GLYATL2: variants seen among roughly 807,000 people sequenced by gnomAD.
GLYATL2 encodes the protein glycine-N-acyltransferase like 2.
Under a neutral mutation model 21.4 loss-of-function variants are expected in GLYATL2, and 25 were observed. That is an observed-to-expected ratio of 1.17 (90% CI 0.85 to 1.63). The LOEUF is 1.63. Ranked by LOEUF, GLYATL2 falls within the 40% of genes most tolerant of loss-of-function variation. The probability of loss-of-function intolerance (pLI) is 0.00; values close to 1 mark genes in which losing one functional copy is unlikely to be tolerated. For missense variants in GLYATL2, 361 were observed against 343.3 expected, an observed-to-expected ratio of 1.05 and a Z score of -0.41; for synonymous variants, 114 against 118.2, an observed-to-expected ratio of 0.96 and a Z score of 0.23.
intron 5 of GLYATL2, 81 bp downstream of exon 5, chr11:58,836,934 A>C (rs1853441738): frequency 7.0e-6 from 9 of 1,277,954 alleles, no homozygotes; most frequent in Admixed American, 2.0e-5. Context: ...TTAGTCTCAA[A>C]TCCTACATTT....
chr11:58,863,508 G>A (rs1853968992), intron 1 of GLYATL2, among the ~76,000 whole-genome samples: 1 of 152,172 alleles, frequency 6.6e-6, no homozygotes, highest in Non-Finnish European at 1.5e-5. Context: ...CTGTATGCTG[G>A]GTTTGCTAGA....
intron 1 of GLYATL2, among the ~76,000 whole-genome samples, chr11:58,855,108 T>A (rs1385574576): frequency 2.0e-5 from 3 of 152,238 alleles, no homozygotes. Context: ...TCTCCTCCCA[T>A]GGATCATGAA....
intron 5 of GLYATL2, 36 bp from the exon 6 acceptor site, chr11:58,834,873 A>G: frequency 6.8e-7 from 1 of 1,473,154 alleles, no homozygotes; most frequent in Non-Finnish European, 9.2e-7. Flanking sequence ...TATTCAGCCA[A>G]TATTACCAAA....
chr11:58,851,542 A>G lies in GLYATL2; in HGVS notation n.61-13174T>C, dbSNP rs1437064765. On this transcript the variant is annotated intron_variant and non_coding_transcript_variant, in intron 1 of 4. Transcript: ENST00000533636. ...CAGTATATGCACATACTCTGTACCC[A>G]CAAAAATTAAATATTAAAAAGAATT... Among the ~76,000 whole-genome samples, 4 of 136,186 alleles carry G rather than the reference A, an allele frequency of 2.9e-5. 1 individual carries two copies. In the South Asian group the frequency reaches 1.0e-3, roughly 35 times the overall value. 89.3% of individuals were successfully genotyped at this position (136,186 alleles called of 152,430 possible). A position where few individuals can be genotyped will look rare whatever the true frequency, so the allele number is the denominator to read the frequency against.
At chr11:58,874,657 T>C (rs1041850924) in intron 1 of GLYATL2, among the ~76,000 whole-genome samples, 1 of 152,208 alleles carries the variant, frequency 6.6e-6, no homozygotes, top group African/African-American at 2.4e-5. Context: ...TGAGAAACAG[T>C]TTGTTATAAT....
At chr11:58,836,214 G>T (rs2134567581) in intron 5 of GLYATL2, among the ~76,000 whole-genome samples, 1 of 152,068 alleles carries the variant, frequency 6.6e-6, no homozygotes, top group Admixed American at 6.5e-5. Context: ...TATATACATT[G>T]TTCTATCCAC....
chr11:58,906,055 G>C (rs997273033), upstream of GLYATL2, among the ~76,000 whole-genome samples: 2 of 152,190 alleles, frequency 1.3e-5, no homozygotes, highest in South Asian at 2.1e-4. Flanking sequence ...CAACACCTGC[G>C]AATCGGGAGC....
intron 1 of GLYATL2, among the ~76,000 whole-genome samples, chr11:58,894,511 G>A (rs1325926384): frequency 7.6e-6 from 1 of 131,944 alleles, no homozygotes; most frequent in African/African-American, 2.7e-5. Context: ...CATTCTTTCT[G>A]ATAATCTAGA....
At chr11:58,846,071 A>C (rs1853637158), upstream of GLYATL2, among the ~76,000 whole-genome samples, 1 of 152,218 alleles carries the variant, frequency 6.6e-6, no homozygotes, top group Non-Finnish European at 1.5e-5. Flanking sequence ...AAGTTTATAG[A>C]GTTATACAGT....
chr11:58,844,099 A>G (rs1853600279), intron 1 of GLYATL2, among the ~76,000 whole-genome samples: 1 of 151,600 alleles, frequency 6.6e-6, no homozygotes, highest in African/African-American at 2.4e-5. Context: ...CAAGGAGAAT[A>G]TTGATTTTTT....
upstream of GLYATL2, among the ~76,000 whole-genome samples, chr11:58,905,069 C>G (rs1008494287): frequency 2.0e-5 from 3 of 152,212 alleles, no homozygotes; most frequent in African/African-American, 7.2e-5. Context: ...AGTCTTCATC[C>G]GAAGGGTAAA....
intron 1 of GLYATL2, among the ~76,000 whole-genome samples, chr11:58,842,519 T>TGTGTGC (rs1491170226): frequency 9.0e-5 from 12 of 133,912 alleles, no homozygotes; most frequent in African/African-American, 2.5e-4. Context: ...TGTGTGTGTG[T>TGTGTGC]GCGCCCTGTG....
intron 1 of GLYATL2, among the ~76,000 whole-genome samples, chr11:58,880,005 C>T (rs1195765542): frequency 1.3e-5 from 2 of 151,976 alleles, no homozygotes. Flanking sequence ...AGTGCAGGTG[C>T]CCGCCACCTT....
At chr11:58,901,559 C>T (rs913993532) in intron 1 of GLYATL2, among the ~76,000 whole-genome samples, 9 of 152,080 alleles carry the variant, frequency 5.9e-5, no homozygotes, top group African/African-American at 2.2e-4. Context: ...TTAATTTATA[C>T]TTAGGGAATG....
At chr11:58,838,460 A>C in intron 2 of GLYATL2, 92 bp from the exon 3 acceptor site, 1 of 759,456 alleles carries the variant, frequency 1.3e-6, no homozygotes. Context: ...CATGAGAAAT[A>C]AGGACAAGAA....
In GLYATL2 at chr11:58,843,528, T is replaced by C. The variant is rs114764667; in HGVS notation, c.-41+906A>G. Among the ~76,000 whole-genome samples the C allele has an allele frequency of 5.2e-3, 790 of 152,080 alleles. 6 individuals carry two copies. Among genetic ancestry groups the C allele is most frequent in the African/African-American group, 0.018 (762 of 41,506 alleles). On this transcript the variant is annotated intron_variant, in intron 1 of 5. Transcript: ENST00000287275. ...AAACCAAGGTTGGTTTTTTCAGGGC[T>C]GGTGTAGCAAAAAAGATAAGGTACA... is the stretch of plus-strand genomic sequence containing the variant.
At chr11:58,836,979 A>T in intron 5 of GLYATL2, 36 bp downstream of exon 5, 1 of 1,586,978 alleles carries the variant, frequency 6.3e-7, no homozygotes, top group African/African-American at 1.3e-5. Flanking sequence ...CAGTAATTCT[A>T]TCAAGGAATT....
chr11:58,867,551 T>C (rs1344989821), intron 1 of GLYATL2, among the ~76,000 whole-genome samples: 5 of 148,876 alleles, frequency 3.4e-5, no homozygotes, highest in African/African-American at 1.2e-4. Flanking sequence ...ACTAGCCAGC[T>C]GGAGAGACCT....
At chr11:58,889,885 T>A (rs903876106) in intron 1 of GLYATL2, among the ~76,000 whole-genome samples, 1 of 152,170 alleles carries the variant, frequency 6.6e-6, no homozygotes, top group African/African-American at 2.4e-5. Flanking sequence ...AAATTATGTG[T>A]TTGTTTTTGG....
Sources: gnomAD v4.1 joint callset for allele counts (sites outside exome capture counted in the v4.1 genomes callset) on GRCh38, gnomAD v4.1.1 for gene constraint, MANE v1.5 for transcripts, NCBI Gene and HGNC (gene_info 2026-07-23, HGNC 2026-07-21) for gene names.